The following GON4L variants were observed in gnomAD, a reference collection of about 807,000 sequenced individuals.
GON4L encodes the protein gon-4 like.
A neutral mutation model predicts 211.8 loss-of-function variants in GON4L; 87 were observed. The ratio of observed to expected loss-of-function variants is 0.41; its 90% CI spans 0.35 to 0.49. GON4L has a LOEUF of 0.49. Ranked by LOEUF, GON4L falls within the 20% of genes least tolerant of loss-of-function variation. The pLI, the probability that GON4L is intolerant of heterozygous loss-of-function variation, is 0.15. For missense variants in GON4L, 2,155 were observed against 2,659.5 expected (o/e 0.81, Z 4.17); for synonymous variants, 875 against 962.6 (o/e 0.91, Z 1.68).
Position 155,773,141 on chromosome 1 carries a change from G to A in GON4L, c.2420C>T (p.Pro807Leu), listed in dbSNP as rs1663384303. ...ILATSKVFMYPELLPVCSLKA... is the reference protein window; with the variant it reads ...ILATSKVFMYLELLPVCSLKA... ...CAGGGAACACACTGGAAGTAACTCT[G>A]GATACATGAAAACCTTGCTTGTGGC... Residue 807 changes from proline (P) to leucine (L), a missense_variant, in exon 18 of 32, where the codon CCA (proline) becomes CTA (leucine). Pro to Leu is a moderately conservative substitution (Grantham distance 98). Around this residue, in one of 6 missense-constraint regions of GON4L, gnomAD observed 551 missense variants for 854.0 expected, o/e 0.65. Coordinates refer to ENST00000368331, the MANE Select transcript of GON4L (RefSeq NM_001282860.2). 1.2e-6 allele frequency: 2 copies of A among 1,613,674 alleles called. No homozygotes were observed. Among genetic ancestry groups the A allele is most frequent in the African/African-American group, 2.7e-5 (2 of 74,892 alleles).
intron 14 of GON4L, among the ~76,000 whole-genome samples, chr1:155,782,649 T>C (rs1384218208): frequency 6.6e-6 from 1 of 152,106 alleles, no homozygotes. Flanking sequence ...ATTATTTCTA[T>C]ACTTTACAAA....
chr1:155,792,247 TTTTA>T (rs1665669326), intron 12 of GON4L, among the ~76,000 whole-genome samples: 2 of 152,192 alleles, frequency 1.3e-5, no homozygotes, highest in Non-Finnish European at 2.9e-5. Context: ...TTTTTAATTT[TTTTA>T]TTTTAGTTAT....
At chr1:155,757,139 C>G in intron 26 of GON4L, 41 bp downstream of exon 26, 1 of 1,613,834 alleles carries the variant, frequency 6.2e-7, no homozygotes. Flanking sequence ...CACGTGTGGC[C>G]TTCCCCCTTC....
At chr1:155,776,268 G>A in intron 16 of GON4L, 127 bp downstream of exon 16, 2 of 789,952 alleles carry the variant, frequency 2.5e-6, no homozygotes, top group Non-Finnish European at 4.4e-6. Flanking sequence ...ACAGAAAGCA[G>A]GCAAAACAAT....
At chr1:155,752,691 A>G in intron 29 of GON4L, 101 bp from the exon 30 acceptor site, 1 of 1,526,042 alleles carries the variant, frequency 6.6e-7, no homozygotes, top group Middle Eastern at 2.3e-4. Flanking sequence ...ATTCTAATAA[A>G]AAAGAGGGCT....
intron 11 of GON4L, among the ~76,000 whole-genome samples, chr1:155,798,194 T>TAA: frequency 6.7e-6 from 1 of 150,350 alleles, no homozygotes; most frequent in East Asian, 1.9e-4. Context: ...GATTAAACCC[T>TAA]AATCTAACTT....
intron 10 of GON4L, among the ~76,000 whole-genome samples, chr1:155,807,652 C>T (rs918129995): frequency 1.0e-4 from 14 of 138,386 alleles, no homozygotes; most frequent in Admixed American, 7.2e-4. Flanking sequence ...TGCAGTGAGC[C>T]GAGATCGCAC....
chr1:155,827,330 C>A (rs1669303710), intron 2 of GON4L, among the ~76,000 whole-genome samples: 1 of 152,006 alleles, frequency 6.6e-6, no homozygotes, highest in Non-Finnish European at 1.5e-5. Flanking sequence ...ATATAGATGA[C>A]CATTAACACC....
chr1:155,822,679 G>C (rs1359743099), intron 3 of GON4L, among the ~76,000 whole-genome samples: 1 of 152,190 alleles, frequency 6.6e-6, no homozygotes, highest in African/African-American at 2.4e-5. Flanking sequence ...ATAGAAATCA[G>C]TGCTTGCCAA....
At position 155,784,277 on chromosome 1, in the gene GON4L, CAAGA is replaced by C. The variant is rs1277940818; in HGVS notation, c.1789-192_1789-189del. 17 of 641,780 alleles carry C rather than the reference CAAGA, an allele frequency of 2.6e-5. No homozygotes were observed. The East Asian group carries it at 3.2e-4, about 12-fold the overall frequency. 39.8% of individuals were successfully genotyped at this position (641,780 alleles called of 1,614,324 possible). A position where few individuals can be genotyped will look rare whatever the true frequency, so the allele number is the denominator to read the frequency against. On this transcript the variant is annotated intron_variant, in intron 13 of 31. Transcript: ENST00000368331. ...CCCACACTTGGGATGGCTATTATGC[CAAGA>C]AAGAAGTCATTCAACCAGTCAACTT...
intron 27 of GON4L, among the ~76,000 whole-genome samples, chr1:155,755,316 G>A (rs139407236): frequency 3.2e-4 from 49 of 152,090 alleles, no homozygotes; most frequent in African/African-American, 9.6e-4. Context: ...TAATCCGCCC[G>A]CCTTGGCCTT....
chr1:155,832,612 C>A (rs1437172706), intron 2 of GON4L, among the ~76,000 whole-genome samples: 1 of 152,212 alleles, frequency 6.6e-6, no homozygotes, highest in African/African-American at 2.4e-5. Flanking sequence ...GCACTCCAGC[C>A]TGGGTGACAG....
chr1:155,745,841 GC>G, downstream of GON4L: 2 of 695,758 alleles, frequency 2.9e-6, no homozygotes, highest in Non-Finnish European at 4.9e-6. Flanking sequence ...GGCGGGCGGG[GC>G]CCGGGAGGTG....
At position 155,789,596 on chromosome 1, in the gene GON4L, A is replaced by G. The variant is rs575446249; in HGVS notation, c.1748-4222T>C. Among the ~76,000 whole-genome samples, 158 of 151,988 alleles carry G rather than the reference A, an allele frequency of 1.0e-3. 3 individuals carry two copies. In the South Asian group the frequency reaches 0.011, roughly 11 times the overall value. ...TTCAAGACCAACCCATGCAACATAG[A>G]CCTTGTCTGAATTTAAAAAAAAAAA... On this transcript the variant is annotated intron_variant, in intron 12 of 31. Transcript: ENST00000368331.
intron 11 of GON4L, among the ~76,000 whole-genome samples, chr1:155,800,122 C>G (rs773993088): frequency 6.6e-6 from 1 of 151,638 alleles, no homozygotes; most frequent in Non-Finnish European, 1.5e-5. Flanking sequence ...TCGCTTGAAC[C>G]TGGGAGGCAG....
rs188579297 is a variant in GON4L, at chr1:155,763,013, G to T, written c.4726+299C>A. ...ATCGCACCACTGCACTCCAGCCTGGGCGACAGAGCAAGACTCCGTCTCAAA... is the reference window on the plus strand; with the variant it reads ...ATCGCACCACTGCACTCCAGCCTGGTCGACAGAGCAAGACTCCGTCTCAAA... On this transcript the variant is annotated intron_variant, in intron 22 of 31. Coordinates refer to ENST00000368331, the MANE Select transcript of GON4L (RefSeq NM_001282860.2). Among the ~76,000 whole-genome samples, 585 of 151,508 alleles carry T rather than the reference G, an allele frequency of 3.9e-3. 6 individuals are homozygous for T. Among genetic ancestry groups the T allele is most frequent in the African/African-American group, 0.014 (562 of 41,244 alleles).
rs138155546 is a variant in GON4L, at chr1:155,832,117, A to T, written c.506-5089T>A. Among the ~76,000 whole-genome samples, 159 of 151,848 alleles carry T rather than the reference A, an allele frequency of 1.0e-3. 1 individual carries two copies. The East Asian group carries it at 0.028, about 27-fold the overall frequency. On this transcript the variant is annotated intron_variant, in intron 2 of 31. Coordinates refer to ENST00000368331, the MANE Select transcript of GON4L (RefSeq NM_001282860.2). Reference sequence around the variant, plus strand: ...TGGCGAAACCCTATCTCTACTAAAAATACAAAACTTAGCCAGGCGCAGTGG... The same window carrying T: ...TGGCGAAACCCTATCTCTACTAAAATTACAAAACTTAGCCAGGCGCAGTGG...
At chr1:155,768,725 G>T (rs936808772) in intron 19 of GON4L, among the ~76,000 whole-genome samples, 5 of 151,484 alleles carry the variant, frequency 3.3e-5, no homozygotes, top group African/African-American at 9.7e-5. Flanking sequence ...GATTATAGGC[G>T]TGAGCCACGG....
upstream of GON4L, among the ~76,000 whole-genome samples, chr1:155,858,663 T>G (rs1478618033): frequency 4.0e-5 from 6 of 150,218 alleles, no homozygotes. Flanking sequence ...TAAACAGCTT[T>G]GCATACCACA....
Sources: gnomAD v4.1 joint callset for allele counts (sites outside exome capture counted in the v4.1 genomes callset) on GRCh38, gnomAD v4.1.1 for gene constraint, gnomAD v4.1.1 regional missense constraint, MANE v1.5 for transcripts, NCBI Gene and HGNC (gene_info 2026-07-23, HGNC 2026-07-21) for gene names.